ADGRL3: variants seen among roughly 807,000 people sequenced by gnomAD.
The protein encoded by ADGRL3 is adhesion G protein-coupled receptor L3, also known as calcium-independent alpha-latrotoxin receptor 3.
A neutral mutation model predicts 153.5 loss-of-function variants in ADGRL3; 62 were observed. The observed-to-expected ratio is 0.40, with a 90% confidence interval of 0.33 to 0.50. The LOEUF (loss-of-function observed/expected upper bound fraction) is 0.50. Among genes scored for constraint, ADGRL3 ranks in the 20% least tolerant of loss-of-function variants. The probability of loss-of-function intolerance (pLI) is 0.47; values close to 1 mark genes in which losing one functional copy is unlikely to be tolerated. For synonymous variants in ADGRL3, 710 were observed against 672.5 expected, an observed-to-expected ratio of 1.06 and a Z score of -0.86; for missense variants, 1,641 against 1,859.4, an observed-to-expected ratio of 0.88 and a Z score of 2.16.
intron 21 of ADGRL3, among the ~76,000 whole-genome samples, chr4:62,018,832 A>G (rs1044430323): frequency 1.3e-5 from 2 of 152,132 alleles, no homozygotes; most frequent in Non-Finnish European, 2.9e-5. Flanking sequence ...GTATTTGTAA[A>G]CAGAAGGTGG....
At chr4:61,814,575 A>G (rs2097666888) in intron 9 of ADGRL3, among the ~76,000 whole-genome samples, 1 of 152,166 alleles carries the variant, frequency 6.6e-6, no homozygotes, top group Non-Finnish European at 1.5e-5. Flanking sequence ...TAAATACCAA[A>G]TATTCCAAGG....
At chr4:61,750,719 G>A (rs554418608) in intron 8 of ADGRL3, among the ~76,000 whole-genome samples, 1 of 150,950 alleles carries the variant, frequency 6.6e-6, no homozygotes, top group Non-Finnish European at 1.5e-5. Context: ...GAACCCGGGA[G>A]GCGGAGCTTG....
chr4:61,581,041 T>G (rs1426464042), intron 4 of ADGRL3, among the ~76,000 whole-genome samples: 1 of 152,122 alleles, frequency 6.6e-6, no homozygotes, highest in Non-Finnish European at 1.5e-5. Flanking sequence ...TCTTGTATTC[T>G]TAGTTTAAAG....
chr4:61,705,260 A>G lies in ADGRL3; in HGVS notation c.584-25362A>G, dbSNP rs532615298. Among the ~76,000 whole-genome samples, 161 of 152,178 alleles carry G rather than the reference A, an allele frequency of 1.1e-3. 1 individual carries two copies. Among genetic ancestry groups the G allele is most frequent in the Admixed American group, 2.1e-3 (32 of 15,280 alleles). Reference sequence around the variant, plus strand: ...TTACTCTTTGGTCCATGAGCTACAGAATGAATATTGTGTTAGCAGGAATGA... The same window carrying G: ...TTACTCTTTGGTCCATGAGCTACAGGATGAATATTGTGTTAGCAGGAATGA... On this transcript the variant is annotated intron_variant, in intron 6 of 26. Coordinates refer to ENST00000683033, the MANE Select transcript of ADGRL3 (RefSeq NM_001387552.1).
chr4:61,436,250 T>A (rs1326059446), intron 2 of ADGRL3, among the ~76,000 whole-genome samples: 1 of 152,114 alleles, frequency 6.6e-6, no homozygotes, highest in Non-Finnish European at 1.5e-5. Context: ...TCATATAGAA[T>A]ACAGGAAGTA....
intron 1 of ADGRL3, among the ~76,000 whole-genome samples, chr4:61,365,206 T>C (rs1314879535): frequency 6.6e-6 from 1 of 151,728 alleles, no homozygotes; most frequent in Admixed American, 6.6e-5. Context: ...AAAAATGAAA[T>C]CATTGTTACT....
chr4:61,882,406 A>G (rs745972108), intron 9 of ADGRL3, among the ~76,000 whole-genome samples: 1 of 152,136 alleles, frequency 6.6e-6, no homozygotes, highest in East Asian at 1.9e-4. Flanking sequence ...CATTATCACC[A>G]TTACCACCAC....
intron 5 of ADGRL3, among the ~76,000 whole-genome samples, chr4:61,647,258 G>A (rs1162558772): frequency 6.6e-6 from 1 of 152,134 alleles, no homozygotes; most frequent in Non-Finnish European, 1.5e-5. Context: ...CACGCTGGGA[G>A]CTGTAGACCA....
chr4:61,217,082 GT>G (rs1414281138), intron 1 of ADGRL3, among the ~76,000 whole-genome samples: 1 of 152,208 alleles, frequency 6.6e-6, no homozygotes, highest in African/African-American at 2.4e-5. Context: ...AGCACTAGAT[GT>G]CTGCAGGGTG....
chr4:61,929,970 T>A (rs1223827886), intron 13 of ADGRL3, among the ~76,000 whole-genome samples: 2 of 151,944 alleles, frequency 1.3e-5, no homozygotes, highest in African/African-American at 4.8e-5. Flanking sequence ...GGTCAGGAGA[T>A]TGAGACCATC....
At chr4:61,326,966 G>A (rs1213121532) in intron 1 of ADGRL3, among the ~76,000 whole-genome samples, 2 of 151,822 alleles carry the variant, frequency 1.3e-5, no homozygotes, top group African/African-American at 2.4e-5. Context: ...ATTTGATATA[G>A]GGTTATGTGA....
chr4:61,548,075 A>G (rs928095236), intron 4 of ADGRL3, among the ~76,000 whole-genome samples: 1 of 152,036 alleles, frequency 6.6e-6, no homozygotes, highest in African/African-American at 2.4e-5. Context: ...GGCTACATGT[A>G]TGTCTTATTT....
intron 1 of ADGRL3, among the ~76,000 whole-genome samples, chr4:61,372,862 T>C (rs936663703): frequency 2.0e-5 from 3 of 152,134 alleles, no homozygotes; most frequent in Non-Finnish European, 4.4e-5. Context: ...CTCAGACTGC[T>C]GTGCTAGCAA....
Position 61,960,401 on chromosome 4 carries a change from T to C in ADGRL3, c.2805+12125T>C, listed in dbSNP as rs75662792. ...AGGAGCTGCAAGGAGAACAGTGTGG[T>C]TGGAGTGGAAAAAGTAAGAGAGAGT... On this transcript the variant is annotated intron_variant, in intron 17 of 26. Transcript: ENST00000683033. Among the ~76,000 whole-genome samples the C allele has an allele frequency of 9.8e-3, 1,486 of 151,926 alleles. 99 individuals carry two copies. The East Asian group carries it at 0.18, about 19-fold the overall frequency.
intron 2 of ADGRL3, among the ~76,000 whole-genome samples, chr4:61,480,610 C>T (rs891741203): frequency 6.6e-6 from 1 of 151,976 alleles, no homozygotes; most frequent in African/African-American, 2.4e-5. Context: ...ATGTGAAACC[C>T]TGTCTCTACT....
chr4:61,836,731 TG>T (rs2097941603), intron 9 of ADGRL3, among the ~76,000 whole-genome samples: 1 of 152,134 alleles, frequency 6.6e-6, no homozygotes, highest in African/African-American at 2.4e-5. Flanking sequence ...AATTTACTTC[TG>T]TTGAACGTTT....
intron 1 of ADGRL3, among the ~76,000 whole-genome samples, chr4:61,207,171 G>A (rs1487636891): frequency 6.6e-6 from 1 of 151,870 alleles, no homozygotes; most frequent in Non-Finnish European, 1.5e-5. Context: ...TCTACATTAG[G>A]TATTTCTCCT....
intron 15 of ADGRL3, among the ~76,000 whole-genome samples, chr4:61,946,305 C>G (rs2098923695): frequency 1.3e-5 from 2 of 152,084 alleles, no homozygotes; most frequent in South Asian, 4.1e-4. Flanking sequence ...TTTTCATTCT[C>G]TAATTACTAA....
intron 5 of ADGRL3, among the ~76,000 whole-genome samples, chr4:61,602,777 CAA>C (rs2149545804): frequency 6.6e-6 from 1 of 152,140 alleles, no homozygotes; most frequent in East Asian, 1.9e-4. Flanking sequence ...AGAACAATCA[CAA>C]AACAGTTTAT....
Sources: gnomAD v4.1 joint callset for allele counts (sites outside exome capture counted in the v4.1 genomes callset) on GRCh38, gnomAD v4.1.1 for gene constraint, MANE v1.5 for transcripts, NCBI Gene and HGNC (gene_info 2026-07-23, HGNC 2026-07-21) for gene names.